The following SLAMF1 variants were observed in gnomAD, a reference collection of about 807,000 sequenced individuals.
The protein encoded by SLAMF1 is signaling lymphocytic activation molecule.
Under a neutral mutation model 35.1 loss-of-function variants are expected in SLAMF1, and 18 were observed. The ratio of observed to expected loss-of-function variants is 0.51; its 90% CI spans 0.35 to 0.76. The LOEUF (loss-of-function observed/expected upper bound fraction) is 0.76, where lower values mean the gene tolerates loss of function less well. Ranked by LOEUF, SLAMF1 falls within the 30% of genes least tolerant of loss-of-function variation. The pLI, the probability that SLAMF1 is intolerant of heterozygous loss-of-function variation, is 0.01. For missense variants in SLAMF1, 392 were observed against 413.0 expected (o/e 0.95, Z 0.44); for synonymous variants, 168 against 157.2 (o/e 1.07, Z -0.51).
rs1557999398 is a variant in SLAMF1 at position 160,610,496 on chromosome 1, G to A, written c.*252C>T. ...ATTTCATCTGCTACAACACAAAGAT[G>A]GAACGCTGTTATCAAGTAACGCTCT... is the stretch of plus-strand genomic sequence containing the variant. On this transcript the variant is annotated 3_prime_UTR_variant, in exon 7 of 7. Coordinates refer to ENST00000302035, the MANE Select transcript of SLAMF1 (RefSeq NM_003037.5). 5.6e-6 allele frequency: 3 copies of A among 536,876 alleles called. No homozygotes were observed. The highest frequency in any genetic ancestry group is 1.0e-5 in the Non-Finnish European group (3 of 288,578). The allele number at this position is 536,876 out of a possible 1,614,324, so 33.3% of individuals were successfully genotyped here.
intron 4 of SLAMF1, among the ~76,000 whole-genome samples, chr1:160,620,843 T>G (rs1480448748): frequency 6.6e-6 from 1 of 152,262 alleles, no homozygotes; most frequent in Non-Finnish European, 1.5e-5. Flanking sequence ...ACCTGAACTG[T>G]GACTAATGTC....
In SLAMF1 at chr1:160,644,666, T is replaced by C. The variant is rs1305369310; in HGVS notation, c.76+2204A>G. On this transcript the variant is annotated intron_variant, in intron 1 of 6. Transcript: ENST00000302035. The stretch of plus-strand genomic sequence containing the variant: ...CTGAATGGGATCATTCAAAGTCAAA[T>C]CTATGGATTAAACCAATTAGCCCTG... Among the ~76,000 whole-genome samples, 4 of 152,158 alleles carry C rather than the reference T, an allele frequency of 2.6e-5. No individual in the cohort carries two copies. In the East Asian group the frequency reaches 7.7e-4, roughly 29 times the overall value.
At chr1:160,636,518 G>A (rs1036172827) in intron 2 of SLAMF1, among the ~76,000 whole-genome samples, 5 of 152,158 alleles carry the variant, frequency 3.3e-5, no homozygotes, top group African/African-American at 1.2e-4. Context: ...CACTCAAGAG[G>A]GACTGGTAGT....
At chr1:160,637,587 T>C in intron 1 of SLAMF1, 58 bp from the exon 2 acceptor site, 1 of 1,251,134 alleles carries the variant, frequency 8.0e-7, no homozygotes, top group African/African-American at 1.5e-5. Flanking sequence ...CAACATCGTG[T>C]CAGCAGATCA....
At chr1:160,634,376 G>C in intron 3 of SLAMF1, 5 of 983,826 alleles carry the variant, frequency 5.1e-6, no homozygotes, top group Non-Finnish European at 6.0e-6. Flanking sequence ...TTAGGCTCTG[G>C]GTCTGTCTCT....
intron 4 of SLAMF1, chr1:160,623,376 G>A: frequency 2.5e-6 from 1 of 392,328 alleles, no homozygotes; most frequent in Non-Finnish European, 4.5e-6. Context: ...TTTTATATAT[G>A]CAAAACCAAC....
intron 1 of SLAMF1, among the ~76,000 whole-genome samples, chr1:160,638,129 CA>C (rs1260558479): frequency 2.0e-5 from 3 of 151,242 alleles, no homozygotes; most frequent in East Asian, 3.9e-4. Flanking sequence ...TTCTCTTTTC[CA>C]AAAAAGCTGA....
At chr1:160,618,938 C>A (rs977550699) in intron 5 of SLAMF1, among the ~76,000 whole-genome samples, 2 of 152,106 alleles carry the variant, frequency 1.3e-5, no homozygotes, top group Admixed American at 6.5e-5. Context: ...GCCCTCCAGG[C>A]CACTAGGGGA....
intron 4 of SLAMF1, among the ~76,000 whole-genome samples, chr1:160,622,128 G>A (rs1659645369): frequency 6.6e-6 from 1 of 152,148 alleles, no homozygotes. Flanking sequence ...GAAGAGGTGA[G>A]GTTGATTGTT....
chr1:160,636,153 C>T (rs543641983), intron 2 of SLAMF1, among the ~76,000 whole-genome samples: 3 of 152,336 alleles, frequency 2.0e-5, no homozygotes, highest in African/African-American at 7.2e-5. Context: ...GACAGAATGT[C>T]TGGCATCCAC....
rs192600560 is a variant in SLAMF1 at position 160,610,153 on chromosome 1, A to G, written c.*595T>C. The G allele has an allele frequency of 2.9e-6, 1 of 346,502 alleles. No homozygotes were observed. Among genetic ancestry groups the G allele is most frequent in the Admixed American group, 3.9e-5 (1 of 25,622 alleles). 21.5% of individuals were successfully genotyped at this position (346,502 alleles called of 1,614,324 possible). A position where few individuals can be genotyped will look rare whatever the true frequency, so the allele number is the denominator to read the frequency against. On this transcript the variant is annotated 3_prime_UTR_variant, in exon 7 of 7. Coordinates refer to ENST00000302035, the MANE Select transcript of SLAMF1 (RefSeq NM_003037.5). ...TTTTTAGCTTCTGGGTTTTGCAAAT[A>G]AAATAATATTCTTAGCTTCCTTTAT...
intron 4 of SLAMF1, chr1:160,623,393 G>A (rs1014822094): frequency 2.5e-5 from 10 of 395,568 alleles, no homozygotes; most frequent in Non-Finnish European, 4.5e-5. Context: ...CAACATCAGA[G>A]TGCTGAGGTA....
Position 160,610,804 on chromosome 1 carries a change from G to A in SLAMF1, c.958-6C>T. On this transcript the variant is annotated splice_region_variant and splice_polypyrimidine_tract_variant and intron_variant, in intron 6 of 6. Coordinates refer to ENST00000302035, the MANE Select transcript of SLAMF1 (RefSeq NM_003037.5). ...ACTGTGATGGAATTTGTTTCCTGGG[G>A]ACAAAGCAGAAGTCTGTGAGTAGAG... 1 of 1,608,360 alleles carries A rather than the reference G, an allele frequency of 6.2e-7. No individual in the cohort carries two copies. Among genetic ancestry groups the A allele is most frequent in the Non-Finnish European group, 8.5e-7 (1 of 1,174,722 alleles).
At chr1:160,622,072 G>C (rs1343934439) in intron 4 of SLAMF1, among the ~76,000 whole-genome samples, 1 of 152,160 alleles carries the variant, frequency 6.6e-6, no homozygotes, top group Non-Finnish European at 1.5e-5. Flanking sequence ...TCAGCTCAGA[G>C]TCAAATGTAG....
chr1:160,638,763 C>A (rs1481149598), intron 1 of SLAMF1, among the ~76,000 whole-genome samples: 1 of 152,166 alleles, frequency 6.6e-6, no homozygotes, highest in Non-Finnish European at 1.5e-5. Flanking sequence ...ATCTTACTTG[C>A]TTTCTCAGGG....
intron 5 of SLAMF1, among the ~76,000 whole-genome samples, chr1:160,618,600 T>C (rs1434965964): frequency 6.6e-6 from 1 of 152,192 alleles, no homozygotes; most frequent in Non-Finnish European, 1.5e-5. Flanking sequence ...ACTTTCAGTC[T>C]TGCAGGTCAG....
chr1:160,627,912 G>T (rs956478413), intron 3 of SLAMF1, among the ~76,000 whole-genome samples: 1 of 152,118 alleles, frequency 6.6e-6, no homozygotes, highest in Non-Finnish European at 1.5e-5. Flanking sequence ...TTGAATCATG[G>T]GGTGGTTTCC....
At chr1:160,621,855 C>CGTGTGTGT (rs59676823) in intron 4 of SLAMF1, among the ~76,000 whole-genome samples, 18,569 of 145,180 alleles carry the variant, frequency 0.13, 1,390 homozygotes, top group Middle Eastern at 0.2. Context: ...TGCGTGAGTG[C>CGTGTGTGT]GTGTGTGTGT....
intron 3 of SLAMF1, among the ~76,000 whole-genome samples, chr1:160,633,256 C>T (rs1660257078): frequency 6.6e-6 from 1 of 152,012 alleles, no homozygotes; most frequent in East Asian, 1.9e-4. Flanking sequence ...GGTTTGTATG[C>T]AAGGTGGGCA....
Sources: allele counts gnomAD v4.1 joint callset (sites outside exome capture counted in the v4.1 genomes callset), GRCh38; gene constraint gnomAD v4.1.1; transcripts MANE v1.5; gene names NCBI Gene and HGNC (gene_info 2026-07-23, HGNC 2026-07-21).